FGL1: variants seen among roughly 807,000 people sequenced by gnomAD.
The protein encoded by FGL1 is fibrinogen like 1.
FGL1 carries 59 observed loss-of-function variants against 43.7 expected under a neutral mutation model. The ratio of observed to expected loss-of-function variants is 1.35; its 90% confidence interval spans 1.10 to 1.68. The LOEUF (loss-of-function observed/expected upper bound fraction) is 1.68. Among genes scored for constraint, FGL1 ranks in the 40% most tolerant of loss-of-function variants. FGL1 has a pLI of 0.00. For missense variants in FGL1, 596 were observed against 373.0 expected (o/e 1.60, Z -4.92); for synonymous variants, 192 against 126.5 (o/e 1.52, Z -3.48).
intron 2 of FGL1, among the ~76,000 whole-genome samples, chr8:17,883,484 TATA>T (rs1454596698): frequency 2.3e-5 from 3 of 127,838 alleles, no homozygotes; most frequent in Non-Finnish European, 4.6e-5. Context: ...ATAAATAATA[TATA>T]ATATATTAAA....
Position 17,868,589 on chromosome 8 carries a change from C to A in FGL1, c.738G>T (p.Gly246=). 1.2e-6 allele frequency: 2 copies of A among 1,613,808 alleles called. No individual in the cohort carries two copies. Among genetic ancestry groups the A allele is most frequent in the South Asian group, 1.1e-5 (1 of 91,022 alleles). Residue 246 remains glycine, a synonymous_variant, in exon 7 of 8, where the codon GGG becomes GGT. Transcript: ENST00000427924. ...CAGACTGATCTTCTTCTGCGCAGTT[C>A]CCTTCATAGTTGTCATGATCTCTGT... is the stretch of plus-strand genomic sequence containing the variant. The part of the protein sequence containing the change: ...TWDRDHDNYE[G]NCAEEDQSGW...
intron 3 of FGL1, among the ~76,000 whole-genome samples, chr8:17,880,080 T>C (rs2427731): frequency 0.17 from 25,953 of 152,020 alleles, 3,344 homozygotes; most frequent in African/African-American, 0.36. Flanking sequence ...CCCAAGCCCA[T>C]TTTTACCCGA....
In FGL1 at chr8:17,868,984, C is replaced by A. The variant is rs139691812; in HGVS notation, c.523G>T (p.Asp175Tyr). 1.3e-5 allele frequency: 21 copies of A among 1,600,658 alleles called. No individual in the cohort carries two copies. The highest frequency in any genetic ancestry group is 1.7e-4 in the Middle Eastern group (1 of 6,000). ...TTQEDYTLKI[D>Y]LADFEKNSRY... Reference sequence around the variant, plus strand: ...CTATTTTTTTCAAAATCTGCAAGGTCGATTTTTAAAGTGTAGTCTTCTAAA... The same window carrying A: ...CTATTTTTTTCAAAATCTGCAAGGTAGATTTTTAAAGTGTAGTCTTCTAAA... The change falls in exon 6 of 8, where the codon GAC becomes TAC. Residue 175 changes from aspartate to tyrosine, a missense_variant. Coordinates refer to ENST00000427924, the MANE Select transcript of FGL1 (RefSeq NM_004467.4).
rs534999492 is a variant in FGL1, at chr8:17,867,857, G to A, written c.779+691C>T. 8.5e-4 allele frequency among the ~76,000 whole-genome samples: 129 copies of A among 152,274 alleles called. 1 individual carries two copies. The South Asian group carries it at 0.024, about 29-fold the overall frequency. On this transcript the variant is annotated intron_variant, in intron 7 of 7. Transcript: ENST00000427924. ...GGCCGGGGTAGGTGGATCACATGAG[G>A]CCAGGAGTTCGAGACCTGCCTGGGC... is the stretch of plus-strand genomic sequence containing the variant.
intron 5 of FGL1, 124 bp from the exon 6 acceptor site, chr8:17,869,128 T>G (rs1471317239): frequency 1.2e-5 from 7 of 589,400 alleles, no homozygotes; most frequent in Non-Finnish European, 1.8e-5. Flanking sequence ...GAATCAGTTT[T>G]CAAAGATTAA....
At chr8:17,887,028 A>T (rs2053638615) in intron 1 of FGL1, among the ~76,000 whole-genome samples, 1 of 152,164 alleles carries the variant, frequency 6.6e-6, no homozygotes, top group Non-Finnish European at 1.5e-5. Flanking sequence ...TGGAAGATTT[A>T]CTTTCTATTA....
intron 7 of FGL1, among the ~76,000 whole-genome samples, chr8:17,866,355 A>G (rs80264032): frequency 6.6e-6 from 1 of 151,514 alleles, no homozygotes; most frequent in African/African-American, 2.4e-5. Flanking sequence ...ATGTGGAAAA[A>G]AACATTTTAT....
intron 7 of FGL1, among the ~76,000 whole-genome samples, chr8:17,867,141 A>G (rs1457650603): frequency 1.3e-5 from 2 of 152,244 alleles, no homozygotes; most frequent in Non-Finnish European, 2.9e-5. Flanking sequence ...CCTTATCTGC[A>G]GGGGATACGT....
intron 3 of FGL1, among the ~76,000 whole-genome samples, chr8:17,876,966 C>T (rs1028443402): frequency 6.6e-6 from 1 of 152,002 alleles, no homozygotes; most frequent in African/African-American, 2.4e-5. Flanking sequence ...TAAACAGTAA[C>T]ACAACAACAA....
At chr8:17,881,815 C>G (rs1004857528) in intron 3 of FGL1, among the ~76,000 whole-genome samples, 184 bp downstream of exon 3, 3 of 135,632 alleles carry the variant, frequency 2.2e-5, no homozygotes, top group African/African-American at 8.8e-5. Flanking sequence ...GCCTGGGCGA[C>G]AGAGCAAGAC....
Position 17,864,426 on chromosome 8 carries a change from T to A in FGL1, c.*166A>T. 1.6e-6 allele frequency: 1 copy of A among 628,534 alleles called. No individual in the cohort carries two copies. Among genetic ancestry groups the A allele is most frequent in the Non-Finnish European group, 2.6e-6 (1 of 381,830 alleles). The allele number at this position is 628,534 out of a possible 1,614,324, so 38.9% of individuals were successfully genotyped here. On this transcript the variant is annotated 3_prime_UTR_variant, in exon 8 of 8. Transcript: ENST00000427924. The stretch of plus-strand genomic sequence containing the variant: ...CTACATTTATTTGGTGAATATTGCA[T>A]ATCTGCTGTACTGAAAGCACATTAA...
At chr8:17,867,344 AAAG>A (rs1212671672) in intron 7 of FGL1, among the ~76,000 whole-genome samples, 1 of 152,210 alleles carries the variant, frequency 6.6e-6, no homozygotes, top group Non-Finnish European at 1.5e-5. Context: ...CAGTAAACCA[AAAG>A]AAGACCACGA....
chr8:17,882,439 T>G lies in FGL1; in HGVS notation c.64-260A>C, dbSNP rs1489246208. 9.6e-6 allele frequency: 3 copies of G among 310,990 alleles called. No homozygotes were observed. The East Asian group carries it at 2.1e-4, about 21-fold the overall frequency. 19.3% of individuals were successfully genotyped at this position (310,990 alleles called of 1,614,324 possible). A position where few individuals can be genotyped will look rare whatever the true frequency, so the allele number is the denominator to read the frequency against. ...TGGAATCGCTATGCTAGGAGCTTTA[T>G]AGTTGTCTCCTTTGATCCTCATAAC... On this transcript the variant is annotated intron_variant, in intron 2 of 7. Coordinates refer to ENST00000427924, the MANE Select transcript of FGL1 (RefSeq NM_004467.4).
chr8:17,892,829 T>A (rs2053724207), intron 1 of FGL1, among the ~76,000 whole-genome samples: 1 of 152,238 alleles, frequency 6.6e-6, no homozygotes, highest in Non-Finnish European at 1.5e-5. Flanking sequence ...TTGAAAAATT[T>A]TTTTATTTGA....
intron 3 of FGL1, among the ~76,000 whole-genome samples, chr8:17,877,482 G>C: frequency 6.6e-6 from 1 of 152,084 alleles, no homozygotes; most frequent in South Asian, 2.1e-4. Context: ...GAGAACCAAA[G>C]GCACAAAGTA....
intron 1 of FGL1, among the ~76,000 whole-genome samples, chr8:17,888,135 G>C (rs952321292): frequency 6.6e-6 from 1 of 151,736 alleles, no homozygotes; most frequent in African/African-American, 2.4e-5. Context: ...TAAAATATTT[G>C]CTTATGTTAA....
chr8:17,872,637 A>G (rs2053381518), intron 5 of FGL1, among the ~76,000 whole-genome samples: 1 of 152,108 alleles, frequency 6.6e-6, no homozygotes, highest in Non-Finnish European at 1.5e-5. Flanking sequence ...GTAACTTAGC[A>G]TGCTTTTTTG....
At chr8:17,894,596 A>G (rs1472049863) in intron 1 of FGL1, among the ~76,000 whole-genome samples, 1 of 146,948 alleles carries the variant, frequency 6.8e-6, no homozygotes, top group African/African-American at 2.7e-5. Flanking sequence ...AATTTTTTAT[A>G]CTGAAACTGT....
chr8:17,886,473 G>C (rs973118695), intron 1 of FGL1, among the ~76,000 whole-genome samples: 1 of 151,944 alleles, frequency 6.6e-6, no homozygotes, highest in African/African-American at 2.4e-5. Flanking sequence ...AAGGCATGTG[G>C]GGGGCCTGGT....
Sources: gnomAD v4.1 joint callset for allele counts (sites outside exome capture counted in the v4.1 genomes callset) on GRCh38, gnomAD v4.1.1 for gene constraint, MANE v1.5 for transcripts, NCBI Gene and HGNC (gene_info 2026-07-23, HGNC 2026-07-21) for gene names.